TMEM230: variants seen among roughly 807,000 people sequenced by gnomAD.
TMEM230 encodes UPF0414 transmembrane protein C20orf30.
Under a neutral mutation model 15.8 loss-of-function variants are expected in TMEM230, and 10 were observed. That is an observed-to-expected ratio of 0.63 (90% CI 0.39 to 1.07). TMEM230 has a LOEUF of 1.07. TMEM230 is among the 50% of genes least tolerant of loss of function. The pLI, the probability that TMEM230 is intolerant of heterozygous loss-of-function variation, is 0.01. For synonymous variants in TMEM230, 67 were observed against 76.9 expected (o/e 0.87, Z 0.68); for missense variants, 165 against 193.3 (o/e 0.85, Z 0.87).
intron 4 of TMEM230, among the ~76,000 whole-genome samples, chr20:5,104,193 T>C (rs1354776030): frequency 6.6e-6 from 1 of 152,182 alleles, no homozygotes; most frequent in Non-Finnish European, 1.5e-5. Flanking sequence ...AAATCAAGAC[T>C]ACAATGAGAT....
intron 3 of TMEM230, 61 bp downstream of exon 2, chr20:5,109,271 C>A: frequency 7.3e-7 from 1 of 1,372,488 alleles, no homozygotes; most frequent in Non-Finnish European, 1.0e-6. Context: ...TCTGGAAGGT[C>A]TTCCTGCTAA....
At chr20:5,107,741 A>G (rs2090151758) in intron 3 of TMEM230, among the ~76,000 whole-genome samples, 1 of 151,712 alleles carries the variant, frequency 6.6e-6, no homozygotes. Context: ...TTGAGCCCAG[A>G]AGGTCAAGGT....
chr20:5,076,962 G>A (rs1443021842), intron 3 of TMEM230, among the ~76,000 whole-genome samples: 1 of 150,786 alleles, frequency 6.6e-6, no homozygotes, highest in Non-Finnish European at 1.5e-5. Flanking sequence ...ACAGGTGTGA[G>A]CCACCATGCC....
downstream of TMEM230, among the ~76,000 whole-genome samples, chr20:5,096,568 A>T (rs1191950275): frequency 1.3e-5 from 2 of 152,212 alleles, no homozygotes; most frequent in Non-Finnish European, 2.9e-5. Context: ...TTCCCTTACC[A>T]TACACCAGTG....
chr20:5,109,388 T>C lies in TMEM230; in HGVS notation c.232A>G (p.Ser78Gly), dbSNP rs1354549558. The C allele has an allele frequency of 1.9e-6, 3 of 1,613,750 alleles. No homozygotes were observed. The highest frequency in any genetic ancestry group is 2.7e-5 in the African/African-American group (2 of 74,928). The change falls in exon 3 of 5, where the codon AGT becomes GGT. Residue 78 changes from serine (S) to glycine (G), a missense_variant. Coordinates refer to ENST00000342308, the MANE Select transcript of TMEM230 (RefSeq NM_001009923.2). ...GAGAGCCTTGAATATTTCACTTTAC[T>C]ACTGGGGATTCCAGTAGCCAGGTTG...
At chr20:5,076,986 T>A (rs2089025072) in intron 3 of TMEM230, among the ~76,000 whole-genome samples, 1 of 150,988 alleles carries the variant, frequency 6.6e-6, no homozygotes, top group African/African-American at 2.4e-5. Flanking sequence ...TCAATTGATA[T>A]TCTTTAAATT....
chr20:5,068,932 G>T (rs959895597), exon 4 of TMEM230: 5 of 406,278 alleles, frequency 1.2e-5, no homozygotes, highest in Non-Finnish European at 2.2e-5. Flanking sequence ...CAGGAACAGA[G>T]GTGGGGCCAT....
chr20:5,077,155 A>G (rs531169764), intron 3 of TMEM230, among the ~76,000 whole-genome samples: 1 of 152,038 alleles, frequency 6.6e-6, no homozygotes. Context: ...AAAACAAACA[A>G]AATTAGCTGA....
chr20:5,110,306 C>A (rs148006571), intron 2 of TMEM230, among the ~76,000 whole-genome samples: 4 of 149,216 alleles, frequency 2.7e-5, no homozygotes, highest in Non-Finnish European at 4.5e-5. Context: ...TTTTTCTTTG[C>A]GATAGTCTCA....
intron 3 of TMEM230, 152 bp from the exon 3 acceptor site, chr20:5,106,462 G>T: frequency 2.1e-6 from 2 of 965,108 alleles, no homozygotes; most frequent in Non-Finnish European, 1.5e-6. Context: ...AGAGAGCAAT[G>T]GCGTGATCTT....
intron 3 of TMEM230, among the ~76,000 whole-genome samples, chr20:5,077,962 A>T (rs564167519): frequency 3.3e-5 from 5 of 152,206 alleles, no homozygotes; most frequent in Non-Finnish European, 7.3e-5. Context: ...AGGATCAGAG[A>T]TAAGTAGCAT....
chr20:5,100,031 A>C lies in TMEM230; in HGVS notation c.*760T>G, dbSNP rs2089792265. ...TGATGACATACTACAAGGTGCTAGC[A>C]ATACGGCTATAAACTCTAAATAATA... On this transcript the variant is annotated 3_prime_UTR_variant, in exon 5 of 5. Transcript: ENST00000342308. The C allele has an allele frequency of 1.0e-6, 1 of 985,438 alleles. No homozygotes were observed. Among genetic ancestry groups the C allele is most frequent in the Non-Finnish European group, 1.2e-6 (1 of 829,926 alleles). The allele number at this position is 985,438 out of a possible 1,614,324, so 61.0% of individuals were successfully genotyped here. A position where few individuals can be genotyped will look rare whatever the true frequency, so the allele number is the denominator to read the frequency against.
At chr20:5,096,063 G>A (rs765496751), downstream of TMEM230, among the ~76,000 whole-genome samples, 8 of 152,188 alleles carry the variant, frequency 5.3e-5, no homozygotes, top group African/African-American at 7.2e-5. Flanking sequence ...CACACCCTCC[G>A]TCAGCAGCTG....
At chr20:5,090,976 AAGAACTAC>A (rs1332178067) in intron 3 of TMEM230, among the ~76,000 whole-genome samples, 1 of 152,224 alleles carries the variant, frequency 6.6e-6, no homozygotes, top group African/African-American at 2.4e-5. Context: ...AGGGGTTGCC[AAGAACTAC>A]TGATTTTCAT....
intron 4 of TMEM230, among the ~76,000 whole-genome samples, chr20:5,101,390 T>C (rs2122722487): frequency 6.6e-6 from 1 of 152,314 alleles, no homozygotes; most frequent in Admixed American, 6.5e-5. Flanking sequence ...ACTCTGTGTT[T>C]TTCTCAGCCT....
chr20:5,080,454 C>T (rs2089147104), intron 3 of TMEM230, among the ~76,000 whole-genome samples: 1 of 152,176 alleles, frequency 6.6e-6, no homozygotes, highest in Admixed American at 6.5e-5. Flanking sequence ...TGCTTCTCTC[C>T]AGCCTGGCAG....
chr20:5,066,504 T>C (rs2088654404), downstream of TMEM230, among the ~76,000 whole-genome samples: 1 of 152,050 alleles, frequency 6.6e-6, no homozygotes, highest in Admixed American at 6.6e-5. Context: ...ACCCCGTTTC[T>C]ACTAAAAGTA....
chr20:5,101,549 T>C (rs1363464295), intron 4 of TMEM230, among the ~76,000 whole-genome samples: 3 of 151,856 alleles, frequency 2.0e-5, no homozygotes, highest in South Asian at 2.1e-4. Flanking sequence ...AGCCTCCAAG[T>C]AGCTGGAGTT....
intron 3 of TMEM230, among the ~76,000 whole-genome samples, chr20:5,076,098 G>C (rs1282688521): frequency 6.6e-6 from 1 of 150,638 alleles, no homozygotes; most frequent in Non-Finnish European, 1.5e-5. Flanking sequence ...AACAGAGCAA[G>C]ACCCTGTCTA....
Sources: allele counts gnomAD v4.1 joint callset (sites outside exome capture counted in the v4.1 genomes callset), GRCh38; gene constraint gnomAD v4.1.1; transcripts MANE v1.5; gene names NCBI Gene and HGNC (gene_info 2026-07-23, HGNC 2026-07-21).